FRYL: variants seen among roughly 807,000 people sequenced by gnomAD.
The protein encoded by FRYL is protein furry homolog-like.
A neutral mutation model predicts 351.2 loss-of-function variants in FRYL; 150 were observed. The ratio of observed to expected loss-of-function variants is 0.43; its 90% CI spans 0.37 to 0.49. The LOEUF (loss-of-function observed/expected upper bound fraction) is 0.49. FRYL is among the 20% of genes least tolerant of loss of function. The pLI, the probability that FRYL is intolerant of heterozygous loss-of-function variation, is 0.00. For synonymous variants in FRYL, 1,153 were observed against 1,257.1 expected (o/e 0.92, Z 1.75); for missense variants, 3,036 against 3,619.3 (o/e 0.84, Z 4.13).
At chr4:48,656,507 A>G (rs974129954) in intron 3 of FRYL, among the ~76,000 whole-genome samples, 2 of 128,674 alleles carry the variant, frequency 1.6e-5, no homozygotes, top group Non-Finnish European at 3.1e-5. Context: ...CATTATATAT[A>G]ATGTATATAG....
intron 36 of FRYL, 71 bp downstream of exon 36, chr4:48,553,144 T>A (rs1467039189): frequency 5.8e-6 from 7 of 1,201,558 alleles, no homozygotes; most frequent in Non-Finnish European, 8.3e-6. Flanking sequence ...GACCCTAAAA[T>A]GGTTACCATA....
chr4:48,776,706 T>A (rs1776061146), intron 1 of FRYL, among the ~76,000 whole-genome samples: 1 of 152,148 alleles, frequency 6.6e-6, no homozygotes, highest in Admixed American at 6.5e-5. Context: ...AGATGGATGA[T>A]CCCTGTCACT....
intron 40 of FRYL, 77 bp from the exon 41 acceptor site, chr4:48,547,846 G>T: frequency 1.0e-6 from 1 of 971,270 alleles, no homozygotes; most frequent in East Asian, 2.7e-5. Flanking sequence ...ACATTTTGAA[G>T]AAAAGGAGAA....
At chr4:48,558,498 G>A (rs1238768810) in intron 33 of FRYL, among the ~76,000 whole-genome samples, 1 of 152,152 alleles carries the variant, frequency 6.6e-6, no homozygotes, top group African/African-American at 2.4e-5. Context: ...GGATGAAAAA[G>A]TTCTAGAGGT....
intron 3 of FRYL, among the ~76,000 whole-genome samples, chr4:48,673,042 G>A (rs965899175): frequency 6.6e-6 from 1 of 152,210 alleles, no homozygotes; most frequent in Admixed American, 6.5e-5. Context: ...GTCCCTGCTA[G>A]TGAGCTGTGC....
intron 27 of FRYL, 66 bp downstream of exon 27, chr4:48,570,761 G>T: frequency 2.6e-6 from 3 of 1,141,362 alleles, no homozygotes; most frequent in South Asian, 1.3e-5. Flanking sequence ...TACATTTCAT[G>T]AGCGAAAAGA....
At chr4:48,626,476 A>C (rs1185276185) in intron 4 of FRYL, among the ~76,000 whole-genome samples, 2 of 152,076 alleles carry the variant, frequency 1.3e-5, no homozygotes, top group East Asian at 3.8e-4. Flanking sequence ...AATCAAATTA[A>C]TCAAACCATT....
chr4:48,529,783 G>C (rs1727121629), intron 50 of FRYL, among the ~76,000 whole-genome samples: 1 of 152,046 alleles, frequency 6.6e-6, no homozygotes, highest in Non-Finnish European at 1.5e-5. Flanking sequence ...TGGCACCAAG[G>C]CACCAAGAGT....
Position 48,573,216 on chromosome 4 carries a change from T to C in FRYL, c.2874A>G (p.Ile958Met), listed in dbSNP as rs1207215388. The change falls in exon 26 of 64, where the codon ATA becomes ATG. Residue 958 changes from isoleucine (I) to methionine (M), a missense_variant. Ile to Met is a conservative substitution (Grantham distance 10). Transcript: ENST00000358350. ...GCCTTCTTTCGAGTGCTTCTTTAAT[T>C]ATGGGATGTAATTCCTCTATTAGTT... ...FRELIEELHP[I>M]IKEALERRPE... 3 of 1,612,196 alleles carry C rather than the reference T, an allele frequency of 1.9e-6. No individual in the cohort carries two copies. The African/African-American group carries it at 4.0e-5, about 22-fold the overall frequency.
chr4:48,557,849 C>T, intron 33 of FRYL, 137 bp from the exon 34 acceptor site: 2 of 956,100 alleles, frequency 2.1e-6, no homozygotes, highest in Non-Finnish European at 1.5e-6. Context: ...ATTGTTTTTC[C>T]TTTTAGCAAA....
chr4:48,629,926 T>C (rs1207370284), intron 4 of FRYL, among the ~76,000 whole-genome samples: 1 of 152,190 alleles, frequency 6.6e-6, no homozygotes, highest in East Asian at 1.9e-4. Context: ...TCAGAGGCAT[T>C]GCCTTTCTTA....
intron 3 of FRYL, chr4:48,653,769 A>T (rs568487929): frequency 1.5e-6 from 2 of 1,291,240 alleles, no homozygotes; most frequent in Admixed American, 4.6e-5. Flanking sequence ...AAAACACAGA[A>T]TCCTGTAGAC....
chr4:48,600,198 C>A (rs948907791), intron 13 of FRYL, among the ~76,000 whole-genome samples: 1 of 152,016 alleles, frequency 6.6e-6, no homozygotes, highest in African/African-American at 2.4e-5. Context: ...TTAGGTAAGG[C>A]CTTTATCTTG....
At chr4:48,768,181 T>C (rs1277217259) in intron 1 of FRYL, among the ~76,000 whole-genome samples, 2 of 152,210 alleles carry the variant, frequency 1.3e-5, no homozygotes, top group Non-Finnish European at 2.9e-5. Context: ...CCTTCCAGCA[T>C]ATTGCAACAC....
rs1732133927 is a variant in FRYL, at chr4:48,549,211, A to T, written c.4784+262T>A. ...TAGGAAAGTCATATTTTTCAGATGT[A>T]GTAACTGGGTCCCAGAAAGGTCAAG... On this transcript the variant is annotated intron_variant, in intron 39 of 63. Transcript: ENST00000358350. The surrounding 1 kb of genome is among the most constrained non-coding windows in gnomAD (Gnocchi z 4.2). Among the ~76,000 whole-genome samples the T allele has an allele frequency of 6.6e-6, 1 of 152,246 alleles. No homozygotes were observed. Among genetic ancestry groups the T allele is most frequent in the Non-Finnish European group, 1.5e-5 (1 of 68,048 alleles).
chr4:48,712,070 A>T (rs13109370), intron 1 of FRYL, among the ~76,000 whole-genome samples: 1,973 of 152,306 alleles, frequency 0.013, 13 homozygotes, highest in Non-Finnish European at 0.02. Flanking sequence ...CCATCTGTGC[A>T]TCACCATCAT....
chr4:48,650,388 C>T (rs974709705), intron 3 of FRYL, among the ~76,000 whole-genome samples: 2 of 152,004 alleles, frequency 1.3e-5, no homozygotes, highest in African/African-American at 4.8e-5. Context: ...CAACCAATAC[C>T]CTCCAGAAGC....
intron 55 of FRYL, 62 bp downstream of exon 55, chr4:48,520,986 G>T: frequency 1.7e-6 from 2 of 1,194,788 alleles, no homozygotes; most frequent in South Asian, 2.1e-5. Context: ...AAAAGCGGGA[G>T]CTATAAAAGA....
Position 48,544,876 on chromosome 4 carries a change from C to A in FRYL, c.5308G>T (p.Asp1770Tyr). Residue 1770 changes from aspartate (D) to tyrosine (Y), a missense_variant, in exon 43 of 64, where the codon GAT (aspartate) becomes TAT (tyrosine). Coordinates refer to ENST00000358350, the MANE Select transcript of FRYL (RefSeq NM_015030.2). ...ATGCTAGGATTCTTGGCAGAAACATCCTCATGGTTCCAAAGGGGCCCTCTT... is the reference window on the plus strand; with the variant it reads ...ATGCTAGGATTCTTGGCAGAAACATACTCATGGTTCCAAAGGGGCCCTCTT... ...RKRGPLWNHE[D>Y]VSAKNPSIKS... 6.2e-7 allele frequency: 1 copy of A among 1,605,780 alleles called. No individual in the cohort carries two copies. The highest frequency in any genetic ancestry group is 1.3e-5 in the African/African-American group (1 of 74,440).
Sources: allele counts gnomAD v4.1 joint callset (sites outside exome capture counted in the v4.1 genomes callset), GRCh38; gene constraint gnomAD v4.1.1; non-coding constraint Gnocchi (gnomAD v3.1); transcripts MANE v1.5; gene names NCBI Gene and HGNC (gene_info 2026-07-23, HGNC 2026-07-21).